The following APC variants were observed in gnomAD, a reference collection of about 807,000 sequenced individuals.
The protein encoded by APC is APC regulator of Wnt signaling pathway.
A neutral mutation model predicts 247.0 loss-of-function variants in APC; 72 were observed. The observed-to-expected ratio is 0.29, with a 90% CI of 0.24 to 0.35. The LOEUF (loss-of-function observed/expected upper bound fraction) is 0.35. APC is among the 10% of genes least tolerant of loss of function. APC has a pLI of 1.00. For synonymous variants in APC, 1,254 were observed against 1,162.5 expected, an observed-to-expected ratio of 1.08 and a Z score of -1.60; for missense variants, 3,400 against 3,360.7, an observed-to-expected ratio of 1.01 and a Z score of -0.29.
intron 14 of APC, among the ~76,000 whole-genome samples, chr5:112,831,055 A>T (rs1303106460): frequency 6.6e-6 from 1 of 152,140 alleles, no homozygotes; most frequent in African/African-American, 2.4e-5. Context: ...GAGAATTTGC[A>T]CTGCTGCTAA....
rs1437302454 is a variant in APC at position 112,840,843 on chromosome 5, T to C, written c.5249T>C (p.Val1750Ala). ...PFRVKKIMDQ[V>A]QQASASSSAP... ...CGTGTGAAAAAGATAATGGACCAGGTCCAGCAAGCATCTGCGTCTTCTTCT... is the reference window on the plus strand; with the variant it reads ...CGTGTGAAAAAGATAATGGACCAGGCCCAGCAAGCATCTGCGTCTTCTTCT... Residue 1750 changes from valine (V) to alanine (A), a missense_variant, in exon 16 of 16, where the codon GTC becomes GCC. Physicochemically the swap from Val to Ala is moderately conservative, Grantham distance 64 (BLOSUM62 0). Transcript: ENST00000257430. This position sits in a 1 kb window ranked among gnomAD's most constrained non-coding sequence, Gnocchi z 4.1. The C allele has an allele frequency of 3.7e-6, 6 of 1,614,016 alleles. No individual in the cohort carries two copies. The South Asian group carries it at 5.5e-5, about 15-fold the overall frequency.
chr5:112,815,695 G>A, intron 9 of APC, 102 bp downstream of exon 9: 1 of 884,050 alleles, frequency 1.1e-6, no homozygotes. Flanking sequence ...CAGCATTTTG[G>A]GAGGCCAAGG....
rs1754815678 is a variant in APC, at chr5:112,755,115, G to A, written c.135+90G>A. ...TTGAGGTAAGACACTTTACTTAAAA[G>A]TGTATTTTAAATTAAGCAATAATAT... On this transcript the variant is annotated intron_variant, in intron 2 of 15. Coordinates refer to ENST00000257430, the MANE Select transcript of APC (RefSeq NM_000038.6). 5.8e-6 allele frequency: 9 copies of A among 1,563,202 alleles called. No homozygotes were observed. In the South Asian group the frequency reaches 8.1e-5, roughly 14 times the overall value.
rs186175209 is a variant in APC, at chr5:112,765,808, A to T, written c.136-518A>T. 6.1e-3 allele frequency among the ~76,000 whole-genome samples: 935 copies of T among 152,338 alleles called. 6 individuals are homozygous for T. The highest frequency in any genetic ancestry group is 9.2e-3 in the Non-Finnish European group (623 of 68,028). On this transcript the variant is annotated intron_variant, in intron 2 of 15. Transcript: ENST00000257430. ...CATCAAAAGTCAAGAAGTAGTGAAC[A>T]TACAGTCATTTGAATGTATGCTAAT...
At chr5:112,822,982 T>G (rs1468435086) in intron 11 of APC, among the ~76,000 whole-genome samples, 1 of 152,234 alleles carries the variant, frequency 6.6e-6, no homozygotes, top group East Asian at 1.9e-4. Context: ...CATGCTTTCC[T>G]TCCTAGTGGT....
At chr5:112,769,940 CTTGAAAAAT>C (rs1165640415) in intron 4 of APC, among the ~76,000 whole-genome samples, 1 of 152,166 alleles carries the variant, frequency 6.6e-6, no homozygotes, top group African/African-American at 2.4e-5. Flanking sequence ...GAAACACCAT[CTTGAAAAAT>C]AAGGAGTGAA....
Position 112,828,996 on chromosome 5 carries a change from TATA to T in APC, c.1743+28_1743+30del, listed in dbSNP as rs1342046140. ...AGGTACCTTTGAAAACATTTAGTAC[TATA>T]ATATGAATTTCATGTTTGGCTTTTT... On this transcript the variant is annotated intron_variant, in intron 14 of 15. Coordinates refer to ENST00000257430, the MANE Select transcript of APC (RefSeq NM_000038.6). 2.6e-6 allele frequency: 4 copies of T among 1,518,388 alleles called. No individual in the cohort carries two copies. The Admixed American group carries it at 6.7e-5, about 25-fold the overall frequency. 94.1% of individuals were successfully genotyped at this position (1,518,388 alleles called of 1,614,324 possible).
chr5:112,745,770 G>C (rs1249469549), intron 1 of APC, among the ~76,000 whole-genome samples: 2 of 151,696 alleles, frequency 1.3e-5, no homozygotes, highest in African/African-American at 4.8e-5. Context: ...ATTTCACCAT[G>C]TTGGCCAGGC....
intron 7 of APC, among the ~76,000 whole-genome samples, chr5:112,796,211 G>A (rs918314243): frequency 6.6e-6 from 1 of 152,208 alleles, no homozygotes; most frequent in Non-Finnish European, 1.5e-5. Flanking sequence ...AATGTAAATA[G>A]TGGAAAATTT....
At position 112,740,924 on chromosome 5, in the gene APC, T is replaced by C. The variant is rs182537230; in HGVS notation, c.-19+2999T>C. 3.3e-5 allele frequency among the ~76,000 whole-genome samples: 5 copies of C among 152,350 alleles called. No homozygotes were observed. The East Asian group carries it at 5.8e-4, about 18-fold the overall frequency. ...ATTTAACCAATCTTTTATACTTGTA[T>C]ATGTTTAAATGATCTTTTATACTTG... On this transcript the variant is annotated intron_variant, in intron 1 of 15. Transcript: ENST00000257430.
intron 1 of APC, among the ~76,000 whole-genome samples, chr5:112,745,651 C>G (rs567889827): frequency 6.6e-5 from 10 of 151,492 alleles, no homozygotes; most frequent in Non-Finnish European, 1.5e-4. Flanking sequence ...GCAACCTCCA[C>G]CTCAAGCGAT....
At chr5:112,745,815 A>T (rs553235177) in intron 1 of APC, among the ~76,000 whole-genome samples, 1 of 151,990 alleles carries the variant, frequency 6.6e-6, no homozygotes, top group Non-Finnish European at 1.5e-5. Context: ...CTGCCTCGCA[A>T]AGTATGGGGA....
At chr5:112,821,470 C>G (rs948026372) in intron 10 of APC, among the ~76,000 whole-genome samples, 6 of 149,930 alleles carry the variant, frequency 4.0e-5, no homozygotes, top group Admixed American at 4.0e-4. Context: ...GATCATTCCA[C>G]TCGAGCCTGG....
At position 112,737,933 on chromosome 5, in the gene APC, CTGGAGCCACCA is replaced by C; in HGVS notation, c.-19+12_-19+22del. On this transcript the variant is annotated intron_variant, in intron 1 of 15. Transcript: ENST00000257430. Reference sequence around the variant, plus strand: ...GCCGGACTCGGAAATGGGGTAGGTGCTGGAGCCACCATGGCCAGGCTTGCTGCGGGGGGAGG... The same window carrying C: ...GCCGGACTCGGAAATGGGGTAGGTGCTGGCCAGGCTTGCTGCGGGGGGAGG... The C allele has an allele frequency of 2.0e-6, 2 of 986,318 alleles. No homozygotes were observed. The highest frequency in any genetic ancestry group is 2.4e-6 in the Non-Finnish European group (2 of 830,682). The allele number at this position is 986,318 out of a possible 1,614,324, so 61.1% of individuals were successfully genotyped here.
intron 1 of APC, among the ~76,000 whole-genome samples, chr5:112,724,644 C>G (rs536898187): frequency 1.7e-4 from 26 of 152,050 alleles, no homozygotes; most frequent in Admixed American, 3.9e-4. Flanking sequence ...GGAAGGAGGA[C>G]TTAGGGAAGG....
At chr5:112,770,549 A>T (rs185773427) in intron 4 of APC, among the ~76,000 whole-genome samples, 1 of 152,106 alleles carries the variant, frequency 6.6e-6, no homozygotes, top group Non-Finnish European at 1.5e-5. Context: ...CTTTATCTGG[A>T]GAGAAAGAGG....
chr5:112,780,939 G>A (rs1043409270), intron 6 of APC, 36 bp downstream of exon 6: 4 of 1,306,554 alleles, frequency 3.1e-6, no homozygotes, highest in Non-Finnish European at 4.4e-6. Context: ...AAACAGCGAA[G>A]AGCTATTAGG....
intron 11 of APC, among the ~76,000 whole-genome samples, chr5:112,826,247 A>C (rs1763646173): frequency 6.6e-6 from 1 of 152,110 alleles, no homozygotes; most frequent in African/African-American, 2.4e-5. Flanking sequence ...TTTCTTTCTG[A>C]GTCCCGTGAT....
In APC at chr5:112,815,489, T is replaced by A; in HGVS notation, c.835-6T>A. ...TTATACCATCTATAATGTGCTTAAT[T>A]TTTAGGGTTCAACTACACGAATGGA... On this transcript the variant is annotated splice_region_variant and splice_polypyrimidine_tract_variant and intron_variant, in intron 8 of 15. Transcript: ENST00000257430. 6.2e-7 allele frequency: 1 copy of A among 1,608,508 alleles called. No homozygotes were observed. Among genetic ancestry groups the A allele is most frequent in the African/African-American group, 1.3e-5 (1 of 74,890 alleles).
Sources: gnomAD v4.1 joint callset for allele counts (sites outside exome capture counted in the v4.1 genomes callset) on GRCh38, gnomAD v4.1.1 for gene constraint, Gnocchi (gnomAD v3.1) non-coding constraint, MANE v1.5 for transcripts, NCBI Gene and HGNC (gene_info 2026-07-23, HGNC 2026-07-21) for gene names.